ITGBL1: variants seen among roughly 807,000 people sequenced by gnomAD.
ITGBL1 encodes integrin subunit beta like 1.
ITGBL1 carries 51 observed loss-of-function variants against 68.5 expected under a neutral mutation model. That is an observed-to-expected ratio of 0.74 (90% CI 0.59 to 0.94). The LOEUF (loss-of-function observed/expected upper bound fraction) is 0.94. Among genes scored for constraint, ITGBL1 ranks in the 40% least tolerant of loss-of-function variants. The pLI is 0.00. For missense variants in ITGBL1, 649 were observed against 647.4 expected (o/e 1.00, Z -0.03); for synonymous variants, 209 against 227.3 (o/e 0.92, Z 0.72).
At chr13:101,677,544 G>A (rs180895176) in intron 7 of ITGBL1, among the ~76,000 whole-genome samples, 1 of 152,294 alleles carries the variant, frequency 6.6e-6, no homozygotes, top group Non-Finnish European at 1.5e-5. Context: ...ATAAGTGGTA[G>A]ATAGGGAATT....
intron 7 of ITGBL1, among the ~76,000 whole-genome samples, chr13:101,691,749 A>T (rs1256077997): frequency 6.6e-6 from 1 of 152,228 alleles, no homozygotes; most frequent in Non-Finnish European, 1.5e-5. Flanking sequence ...GAATGGATGT[A>T]AATTTTGAAT....
At chr13:101,520,675 G>C (rs756801567) in intron 2 of ITGBL1, among the ~76,000 whole-genome samples, 3 of 152,142 alleles carry the variant, frequency 2.0e-5, no homozygotes, top group Non-Finnish European at 2.9e-5. Context: ...ACCCTGCAAG[G>C]CTGCCTCGCT....
chr13:101,482,139 G>A (rs576268110), intron 2 of ITGBL1, among the ~76,000 whole-genome samples: 2 of 152,174 alleles, frequency 1.3e-5, no homozygotes, highest in East Asian at 3.9e-4. Flanking sequence ...TTTTGAATGC[G>A]ACACATTTTC....
At chr13:101,559,377 G>A (rs1447906015) in intron 2 of ITGBL1, among the ~76,000 whole-genome samples, 1 of 152,174 alleles carries the variant, frequency 6.6e-6, no homozygotes, top group Non-Finnish European at 1.5e-5. Context: ...TGTGAATACA[G>A]TGAAGTAGGT....
chr13:101,521,943 T>A (rs1487309999), intron 2 of ITGBL1, among the ~76,000 whole-genome samples: 1 of 151,850 alleles, frequency 6.6e-6, no homozygotes, highest in Non-Finnish European at 1.5e-5. Flanking sequence ...AGGTGAGGCA[T>A]CTCTCCTTGG....
chr13:101,540,722 T>C (rs1387129795), intron 2 of ITGBL1, among the ~76,000 whole-genome samples: 1 of 152,154 alleles, frequency 6.6e-6, no homozygotes, highest in East Asian at 1.9e-4. Flanking sequence ...TATGCTCTTT[T>C]ATTTCATTGA....
chr13:101,534,767 A>C (rs1420662048), intron 2 of ITGBL1, among the ~76,000 whole-genome samples: 1 of 152,190 alleles, frequency 6.6e-6, no homozygotes. Context: ...GGGCTTATTA[A>C]GCTGTGTTGA....
intron 6 of ITGBL1, among the ~76,000 whole-genome samples, chr13:101,597,379 G>C (rs1172545481): frequency 1.4e-5 from 2 of 137,952 alleles, no homozygotes; most frequent in African/African-American, 5.4e-5. Flanking sequence ...ATTAATTACT[G>C]AGAAAGGAGC....
At chr13:101,613,835 G>A (rs2139372275) in intron 7 of ITGBL1, among the ~76,000 whole-genome samples, 1 of 152,148 alleles carries the variant, frequency 6.6e-6, no homozygotes, top group East Asian at 1.9e-4. Flanking sequence ...GGGTGACTCT[G>A]CTGAGCAGCC....
At chr13:101,522,992 A>G (rs533171675) in intron 2 of ITGBL1, among the ~76,000 whole-genome samples, 1 of 152,342 alleles carries the variant, frequency 6.6e-6, no homozygotes, top group Non-Finnish European at 1.5e-5. Context: ...TCTCTCGTCC[A>G]AAGATTTCAC....
At chr13:101,583,528 T>A (rs2050500411) in intron 6 of ITGBL1, among the ~76,000 whole-genome samples, 172 bp downstream of exon 6, 1 of 151,994 alleles carries the variant, frequency 6.6e-6, no homozygotes, top group Non-Finnish European at 1.5e-5. Context: ...GTAAAGAGTA[T>A]AATTGGATTG....
At chr13:101,615,914 G>A (rs926729443) in intron 7 of ITGBL1, among the ~76,000 whole-genome samples, 7 of 152,164 alleles carry the variant, frequency 4.6e-5, no homozygotes, top group South Asian at 2.1e-4. Flanking sequence ...GCAGGCTCTC[G>A]CTAGACACTG....
chr13:101,671,513 A>C (rs916195804), intron 7 of ITGBL1, among the ~76,000 whole-genome samples: 1 of 129,936 alleles, frequency 7.7e-6, no homozygotes, highest in East Asian at 2.6e-4. Flanking sequence ...ATCTCGGCTC[A>C]CTGCAAGCTC....
intron 2 of ITGBL1, among the ~76,000 whole-genome samples, chr13:101,479,889 C>G (rs1166795168): frequency 6.6e-6 from 1 of 152,018 alleles, no homozygotes; most frequent in Admixed American, 6.6e-5. Context: ...AGCATAGCCA[C>G]TGTGAAGAAC....
intron 2 of ITGBL1, among the ~76,000 whole-genome samples, chr13:101,457,089 T>C (rs1045699974): frequency 3.3e-5 from 5 of 152,230 alleles, no homozygotes; most frequent in African/African-American, 1.2e-4. Context: ...GTTTAACATA[T>C]GTAAAATACT....
At chr13:101,671,987 G>A (rs966285655) in intron 7 of ITGBL1, among the ~76,000 whole-genome samples, 1 of 152,134 alleles carries the variant, frequency 6.6e-6, no homozygotes, top group African/African-American at 2.4e-5. Flanking sequence ...CCTGAAGCCT[G>A]CCTTGGTTTG....
intron 7 of ITGBL1, among the ~76,000 whole-genome samples, chr13:101,606,329 A>G (rs528075621): frequency 1.8e-4 from 27 of 151,384 alleles, no homozygotes; most frequent in African/African-American, 6.3e-4. Context: ...TACATTCTGT[A>G]TCCTGTGATT....
In ITGBL1 at chr13:101,715,891, G is replaced by T. The variant is rs766290923; in HGVS notation, c.*237G>T. On this transcript the variant is annotated 3_prime_UTR_variant, in exon 11 of 11. Coordinates refer to ENST00000376180, the MANE Select transcript of ITGBL1 (RefSeq NM_004791.3). ...ATAATTAACATAAGTGGTTCCTAAC[G>T]AGAGCAATTTTTCCACCCAAAAGTC... 26 of 416,712 alleles carry T rather than the reference G, an allele frequency of 6.2e-5. No individual in the cohort carries two copies. Among genetic ancestry groups the T allele is most frequent in the Non-Finnish European group, 1.0e-4 (23 of 228,054 alleles). 25.8% of individuals were successfully genotyped at this position (416,712 alleles called of 1,614,324 possible).
intron 7 of ITGBL1, among the ~76,000 whole-genome samples, chr13:101,614,605 C>T (rs1387325072): frequency 1.3e-5 from 2 of 152,122 alleles, no homozygotes; most frequent in African/African-American, 2.4e-5. Flanking sequence ...CTGCTTGGTC[C>T]GCTGCTAAGC....
Sources: gnomAD v4.1 joint callset for allele counts (sites outside exome capture counted in the v4.1 genomes callset) on GRCh38, gnomAD v4.1.1 for gene constraint, MANE v1.5 for transcripts, NCBI Gene and HGNC (gene_info 2026-07-23, HGNC 2026-07-21) for gene names.